Variants in PLCG2 observed in about 807,000 individuals in gnomAD.
The protein encoded by PLCG2 is phospholipase C gamma 2.
PLCG2 carries 69 observed loss-of-function variants against 175.6 expected under a neutral mutation model. That is an observed-to-expected ratio of 0.39 (90% CI 0.32 to 0.48). The LOEUF is 0.48. Among genes scored for constraint, PLCG2 ranks in the 20% least tolerant of loss-of-function variants. PLCG2 has a pLI of 0.91. For synonymous variants in PLCG2, 827 were observed against 624.0 expected (o/e 1.33, Z -4.85); for missense variants, 1,798 against 1,650.9 (o/e 1.09, Z -1.54).
intron 22 of PLCG2, among the ~76,000 whole-genome samples, chr16:81,924,090 A>G (rs543120522): frequency 4.6e-5 from 7 of 152,324 alleles, no homozygotes; most frequent in African/African-American, 1.7e-4. Flanking sequence ...GCTGTGTGCA[A>G]TGGCCACATC....
intron 2 of PLCG2, among the ~76,000 whole-genome samples, chr16:81,825,892 A>G (rs928885839): frequency 1.3e-5 from 2 of 152,222 alleles, no homozygotes; most frequent in African/African-American, 2.4e-5. Flanking sequence ...AGATTGTCAC[A>G]TAGGGTGTTA....
rs865944264 is a variant in PLCG2, at chr16:81,958,089, C to T, written c.*91C>T. 1 of 889,060 alleles carries T rather than the reference C, an allele frequency of 1.1e-6. No individual in the cohort carries two copies. The highest frequency in any genetic ancestry group is 1.9e-6 in the Non-Finnish European group (1 of 530,306). The allele number at this position is 889,060 out of a possible 1,614,324, so 55.1% of individuals were successfully genotyped here. On this transcript the variant is annotated 3_prime_UTR_variant, in exon 33 of 33. Transcript: ENST00000564138. ...GCCCTATTCACACTCTGGGAAGACG[C>T]TAATCTGTGACATCTTTTCTTCAAG...
intron 25 of PLCG2, 81 bp from the exon 26 acceptor site, chr16:81,934,347 GA>G: frequency 1.2e-6 from 1 of 806,954 alleles, no homozygotes; most frequent in Non-Finnish European, 2.1e-6. Context: ...GCAAAGTGGG[GA>G]TGGAGGAGGA....
At position 81,938,782 on chromosome 16, in the gene PLCG2, C is replaced by T. The variant is rs765497558; in HGVS notation, c.3199-19C>T. The T allele has an allele frequency of 5.9e-6, 9 of 1,523,214 alleles. No homozygotes were observed. The highest frequency in any genetic ancestry group is 1.4e-5 in the African/African-American group (1 of 72,998). The allele number at this position is 1,523,214 out of a possible 1,614,324, so 94.4% of individuals were successfully genotyped here. A position where few individuals can be genotyped will look rare whatever the true frequency, so the allele number is the denominator to read the frequency against. On this transcript the variant is annotated intron_variant, in intron 28 of 32. Coordinates refer to ENST00000564138, the MANE Select transcript of PLCG2 (RefSeq NM_002661.5). Reference sequence around the variant, plus strand: ...TCAGGACCCCAGGGGGGTTCCAATGCTTCCCTTTGGTGTCCCAGGTTCTCG... The same window carrying T: ...TCAGGACCCCAGGGGGGTTCCAATGTTTCCCTTTGGTGTCCCAGGTTCTCG...
chr16:81,859,203 C>A, intron 5 of PLCG2, 40 bp downstream of exon 5: 2 of 1,338,354 alleles, frequency 1.5e-6, no homozygotes, highest in Non-Finnish European at 2.2e-6. Context: ...CTTTGGATTT[C>A]GATCCTCATT....
chr16:81,886,720 C>T (rs980100388), intron 9 of PLCG2, among the ~76,000 whole-genome samples: 3 of 152,274 alleles, frequency 2.0e-5, no homozygotes, highest in South Asian at 2.1e-4. Flanking sequence ...GACTAGAAGC[C>T]TCTCCTCTGT....
intron 3 of PLCG2, among the ~76,000 whole-genome samples, chr16:81,856,051 A>G (rs1453695407): frequency 1.3e-5 from 2 of 152,156 alleles, no homozygotes. Flanking sequence ...GAACTTTGAT[A>G]TATATCCCAC....
intron 2 of PLCG2, among the ~76,000 whole-genome samples, chr16:81,840,307 C>G (rs905202172): frequency 6.6e-6 from 1 of 151,934 alleles, no homozygotes; most frequent in Non-Finnish European, 1.5e-5. Flanking sequence ...AGCAGCAGTC[C>G]CAGACTTTTT....
In PLCG2 at chr16:81,828,332, G is replaced by A. The variant is rs1159817665; in HGVS notation, c.194-26112G>A. ...GTGATCTCGGCTCACTGCAAGCTCC[G>A]CCTCCCAAGTACACGCCATTCTCCT... On this transcript the variant is annotated intron_variant, in intron 2 of 32. Transcript: ENST00000564138. Among the ~76,000 whole-genome samples the A allele has an allele frequency of 1.4e-4, 17 of 119,684 alleles. No homozygotes were observed. The South Asian group carries it at 2.1e-3, about 15-fold the overall frequency. The allele number at this position is 119,684 out of a possible 152,430, so 78.5% of individuals were successfully genotyped here. A position where few individuals can be genotyped will look rare whatever the true frequency, so the allele number is the denominator to read the frequency against.
chr16:81,949,033 T>C (rs904509178), intron 31 of PLCG2, among the ~76,000 whole-genome samples: 1 of 152,142 alleles, frequency 6.6e-6, no homozygotes, highest in African/African-American at 2.4e-5. Context: ...TTTGTTGCAT[T>C]AAAAAATTCA....
At chr16:81,825,807 C>T (rs1485817952) in intron 2 of PLCG2, among the ~76,000 whole-genome samples, 1 of 152,160 alleles carries the variant, frequency 6.6e-6, no homozygotes, top group Admixed American at 6.6e-5. Flanking sequence ...CTGCTTGTCA[C>T]CAGATTGACC....
At chr16:81,742,517 T>A (rs978607690) in intron 1 of PLCG2, among the ~76,000 whole-genome samples, 1 of 151,950 alleles carries the variant, frequency 6.6e-6, no homozygotes, top group African/African-American at 2.4e-5. Flanking sequence ...CTTGGCAGAG[T>A]CTTAGTCCAG....
chr16:81,751,660 A>T (rs930470643), intron 1 of PLCG2, among the ~76,000 whole-genome samples: 9 of 152,170 alleles, frequency 5.9e-5, no homozygotes, highest in African/African-American at 2.2e-4. Flanking sequence ...GAGGTGATGG[A>T]TATGTTAACT....
upstream of PLCG2, among the ~76,000 whole-genome samples, chr16:81,775,478 A>G (rs1480410416): frequency 6.6e-6 from 1 of 152,144 alleles, no homozygotes; most frequent in Non-Finnish European, 1.5e-5. Context: ...AACAATTCCT[A>G]AAATAGTCAG....
chr16:81,916,921 A>T (rs1483394952), intron 19 of PLCG2, among the ~76,000 whole-genome samples: 1 of 152,182 alleles, frequency 6.6e-6, no homozygotes, highest in Non-Finnish European at 1.5e-5. Flanking sequence ...TACAGGTGTG[A>T]GCCACCACGC....
At chr16:81,893,935 A>T in intron 12 of PLCG2, 141 bp downstream of exon 12, 8 of 457,264 alleles carry the variant, frequency 1.7e-5, no homozygotes, top group South Asian at 3.2e-5. Context: ...TTAGAGTGTG[A>T]TGTTTCTTTG....
chr16:81,884,304 T>C (rs1275926875), intron 9 of PLCG2, among the ~76,000 whole-genome samples: 2 of 152,096 alleles, frequency 1.3e-5, no homozygotes, highest in African/African-American at 4.8e-5. Context: ...TGAGCCGAGA[T>C]TGCGCCACTG....
At chr16:81,745,253 CA>C (rs1387883444) in intron 1 of PLCG2, among the ~76,000 whole-genome samples, 1 of 152,154 alleles carries the variant, frequency 6.6e-6, no homozygotes, top group South Asian at 2.1e-4. Context: ...CCGGGAAGGG[CA>C]TATGACCTAG....
chr16:81,920,463 G>C (rs1910015138), intron 20 of PLCG2, among the ~76,000 whole-genome samples: 1 of 152,140 alleles, frequency 6.6e-6, no homozygotes, highest in Non-Finnish European at 1.5e-5. Flanking sequence ...ATAAAGCAAA[G>C]AAAACAGGAT....
Sources: gnomAD v4.1 joint callset for allele counts (sites outside exome capture counted in the v4.1 genomes callset) on GRCh38, gnomAD v4.1.1 for gene constraint, MANE v1.5 for transcripts, NCBI Gene and HGNC (gene_info 2026-07-23, HGNC 2026-07-21) for gene names.